The following ZDHHC7 variants were observed in gnomAD, a reference collection of about 807,000 sequenced individuals.
ZDHHC7 encodes the protein zDHHC palmitoyltransferase 7, also known as palmitoyltransferase ZDHHC7.
In ZDHHC7, 12 loss-of-function variants were observed where a neutral mutation model predicts 34.1. That is an observed-to-expected ratio of 0.35 (90% CI 0.23 to 0.57). The LOEUF (loss-of-function observed/expected upper bound fraction) is 0.57, where lower values mean the gene tolerates loss of function less well. ZDHHC7 is among the 20% of genes least tolerant of loss of function. The pLI, the probability that ZDHHC7 is intolerant of heterozygous loss-of-function variation, is 0.84. For synonymous variants in ZDHHC7, 185 were observed against 155.4 expected (o/e 1.19, Z -1.42); for missense variants, 388 against 402.7 (o/e 0.96, Z 0.31).
chr16:84,987,443 GGTTT>G (rs552162788), intron 3 of ZDHHC7, among the ~76,000 whole-genome samples: 385 of 148,486 alleles, frequency 2.6e-3, no homozygotes, highest in African/African-American at 9.0e-3. Context: ...GATGTTTTGG[GGTTT>G]GTTTTTTTTT....
intron 1 of ZDHHC7, among the ~76,000 whole-genome samples, chr16:85,003,767 A>T (rs187522076): frequency 1.3e-5 from 2 of 152,294 alleles, no homozygotes; most frequent in Non-Finnish European, 2.9e-5. Flanking sequence ...AACACTGCAG[A>T]TCAAAAACAT....
chr16:85,008,201 A>T (rs1213336711), intron 1 of ZDHHC7, among the ~76,000 whole-genome samples: 1 of 152,088 alleles, frequency 6.6e-6, no homozygotes. Flanking sequence ...AATATGATGT[A>T]GGGTGAGGGG....
At chr16:84,977,321 C>T in intron 6 of ZDHHC7, 96 bp from the exon 7 acceptor site, 3 of 1,480,724 alleles carry the variant, frequency 2.0e-6, no homozygotes, top group Non-Finnish European at 2.7e-6. Flanking sequence ...CAGCCCCTGG[C>T]CAGCTTCCAG....
At chr16:85,016,840 G>T in the ZDHHC7 span, among the ~76,000 whole-genome samples, 3 of 151,978 alleles carry the variant, frequency 2.0e-5, no homozygotes, top group South Asian at 6.2e-4. Flanking sequence ...GTTTCTCAAC[G>T]GAAGTGATAT....
rs191323952 is a variant in ZDHHC7 at position 84,985,643 on chromosome 16, A to T, written c.316-3649T>A. Among the ~76,000 whole-genome samples the T allele has an allele frequency of 4.1e-3, 622 of 152,292 alleles. 6 individuals carry two copies. The highest frequency in any genetic ancestry group is 0.014 in the African/African-American group (602 of 41,560). Reference sequence around the variant, plus strand: ...GGATCCTTATTTGGATCCTGATTCAAGGGAAAAAAATTATAAAAGAATTGA... The same window carrying T: ...GGATCCTTATTTGGATCCTGATTCATGGGAAAAAAATTATAAAAGAATTGA... On this transcript the variant is annotated intron_variant, in intron 3 of 7. Transcript: ENST00000313732.
chr16:84,998,181 G>A (rs951820476), intron 1 of ZDHHC7, among the ~76,000 whole-genome samples: 22 of 149,052 alleles, frequency 1.5e-4, no homozygotes, highest in Admixed American at 1.3e-3. Flanking sequence ...GGAGAACGGC[G>A]CGAACCCGGG....
At chr16:84,996,094 G>A (rs1235986160) in intron 1 of ZDHHC7, 87 bp from the exon 2 acceptor site, 1 of 152,076 alleles carries the variant, frequency 6.6e-6, no homozygotes, top group Non-Finnish European at 1.5e-5. Flanking sequence ...TTAATTTTTG[G>A]AGCGTAACAT....
intron 3 of ZDHHC7, among the ~76,000 whole-genome samples, chr16:84,985,332 G>A (rs531342733): frequency 7.9e-5 from 12 of 152,328 alleles, no homozygotes; most frequent in East Asian, 5.8e-4. Flanking sequence ...GCATGCTTCC[G>A]GTCCTCTCTC....
chr16:84,979,458 G>T, intron 4 of ZDHHC7, 173 bp from the exon 5 acceptor site: 1 of 692,526 alleles, frequency 1.4e-6, no homozygotes, highest in African/African-American at 1.9e-5. Flanking sequence ...TTAATTAAAT[G>T]TCTTCCGTTT....
At chr16:84,985,761 C>A (rs1385703842) in intron 3 of ZDHHC7, among the ~76,000 whole-genome samples, 10 of 151,922 alleles carry the variant, frequency 6.6e-5, no homozygotes, top group Non-Finnish European at 1.5e-5. Context: ...TCAAGACCAG[C>A]CTGGCCAATA....
At chr16:85,026,499 G>C in the ZDHHC7 span, among the ~76,000 whole-genome samples, 4 of 152,078 alleles carry the variant, frequency 2.6e-5, no homozygotes, top group Admixed American at 1.3e-4. Flanking sequence ...GGTGCTGAAG[G>C]CTCCATAACC....
intron 2 of ZDHHC7, among the ~76,000 whole-genome samples, chr16:84,995,043 T>A (rs1046706434): frequency 6.6e-6 from 1 of 152,154 alleles, no homozygotes; most frequent in Non-Finnish European, 1.5e-5. Flanking sequence ...GGTATTAAAA[T>A]GTACACATTC....
Position 84,976,358 on chromosome 16 carries a change from C to G in ZDHHC7, c.912G>C (p.Pro304=). 1.2e-6 allele frequency: 2 copies of G among 1,614,004 alleles called. No homozygotes were observed. Among genetic ancestry groups the G allele is most frequent in the Non-Finnish European group, 8.5e-7 (1 of 1,180,008 alleles). Reference sequence around the variant, plus strand: ...GAGCCACGCCTCACACTGAGAACTCCGGGCCACCTTTTCTGGGTCTCGTGG... The same window carrying G: ...GAGCCACGCCTCACACTGAGAACTCGGGGCCACCTTTTCTGGGTCTCGTGG... ...RLPTRPRKGG[P]EFSV The change falls in exon 8 of 8, where the codon CCG becomes CCC. Residue 304 remains proline (P), a synonymous_variant. Coordinates refer to ENST00000313732, the MANE Select transcript of ZDHHC7 (RefSeq NM_017740.3).
Position 84,977,919 on chromosome 16 carries a change from C to T in ZDHHC7, c.619+5G>A, listed in dbSNP as rs1305117811. On this transcript the variant is annotated splice_donor_5th_base_variant and intron_variant, in intron 6 of 7. Transcript: ENST00000313732. ...CCAGGAATGACACATAGCCAGGGAACTTACCAGTCCACTGCCCTCGGACAC... is the reference window on the plus strand; with the variant it reads ...CCAGGAATGACACATAGCCAGGGAATTTACCAGTCCACTGCCCTCGGACAC... 6.2e-7 allele frequency: 1 copy of T among 1,612,396 alleles called. No homozygotes were observed. The highest frequency in any genetic ancestry group is 8.5e-7 in the Non-Finnish European group (1 of 1,178,790).
the ZDHHC7 span, among the ~76,000 whole-genome samples, chr16:85,025,465 G>A: frequency 6.6e-6 from 1 of 152,056 alleles, no homozygotes; most frequent in East Asian, 1.9e-4. Context: ...CTGGAGTGCA[G>A]TGGCGCGATC....
At chr16:85,002,745 A>G (rs993188476) in intron 1 of ZDHHC7, among the ~76,000 whole-genome samples, 2 of 152,098 alleles carry the variant, frequency 1.3e-5, no homozygotes, top group African/African-American at 4.8e-5. Flanking sequence ...TGGTCGACAA[A>G]GCGGAATGAT....
intron 1 of ZDHHC7, among the ~76,000 whole-genome samples, chr16:84,996,549 G>A (rs796251226): frequency 2.0e-5 from 3 of 152,098 alleles, no homozygotes; most frequent in Non-Finnish European, 4.4e-5. Context: ...CTGACAGATG[G>A]GAGGGTCGAG....
At chr16:84,983,388 G>A (rs2072395497) in intron 3 of ZDHHC7, among the ~76,000 whole-genome samples, 1 of 152,182 alleles carries the variant, frequency 6.6e-6, no homozygotes, top group African/African-American at 2.4e-5. Context: ...GGTGAGGGTT[G>A]ACATCCAAAT....
At chr16:85,009,572 C>G (rs2072761429) in intron 1 of ZDHHC7, among the ~76,000 whole-genome samples, 1 of 150,840 alleles carries the variant, frequency 6.6e-6, no homozygotes, top group Admixed American at 6.6e-5. Flanking sequence ...CTTCAACTCT[C>G]AAATCAGAAG....
Sources: gnomAD v4.1 joint callset for allele counts (sites outside exome capture counted in the v4.1 genomes callset) on GRCh38, gnomAD v4.1.1 for gene constraint, MANE v1.5 for transcripts, NCBI Gene and HGNC (gene_info 2026-07-23, HGNC 2026-07-21) for gene names.